Variants in GAREM2 observed in about 807,000 individuals in gnomAD.
GAREM2 encodes the protein GRB2 associated regulator of MAPK1 subtype 2.
GAREM2 carries 30 observed loss-of-function variants against 55.6 expected under a neutral mutation model. The observed-to-expected ratio is 0.54, with a 90% CI of 0.40 to 0.73. The LOEUF is 0.73. Among genes scored for constraint, GAREM2 ranks in the 30% least tolerant of loss-of-function variants. The pLI is 0.00. For synonymous variants in GAREM2, 550 were observed against 569.1 expected (o/e 0.97, Z 0.48); for missense variants, 1,075 against 1,257.7 (o/e 0.85, Z 2.20).
At chr2:26,183,777 T>C (rs1669131568) in intron 3 of GAREM2, among the ~76,000 whole-genome samples, 1 of 152,202 alleles carries the variant, frequency 6.6e-6, no homozygotes, top group Non-Finnish European at 1.5e-5. Flanking sequence ...TATGTACAGA[T>C]AGTGCTGTTC....
At chr2:26,191,608 T>C, downstream of GAREM2, 1 of 1,614,060 alleles carries the variant, frequency 6.2e-7, no homozygotes, top group Non-Finnish European at 8.5e-7. Flanking sequence ...CAGGCGGAAC[T>C]GGATGTCTTC....
rs1331389432 is a variant in GAREM2 at position 26,185,058 on chromosome 2, G to A, written c.1210G>A (p.Glu404Lys). The A allele has an allele frequency of 4.8e-6, 6 of 1,243,474 alleles. No homozygotes were observed. The highest frequency in any genetic ancestry group is 6.0e-6 in the Non-Finnish European group (6 of 994,040). The allele number at this position is 1,243,474 out of a possible 1,614,324, so 77.0% of individuals were successfully genotyped here. A position where few individuals can be genotyped will look rare whatever the true frequency, so the allele number is the denominator to read the frequency against. ...CCCGCTAGCGCCGGCTCCCGCCGGC[G>A]AGGGCGACCAGGAGTACGTGAGCCC... ...PGPLAPAPAGEGDQEYVSPDW... is the reference protein window; with the variant it reads ...PGPLAPAPAGKGDQEYVSPDW... Residue 404 changes from glutamate to lysine, a missense_variant, in exon 4 of 6, where the codon GAG (glutamate) becomes AAG (lysine). Transcript: ENST00000401533.
rs1234722551 is a variant in GAREM2, at chr2:26,185,051, C to G, written c.1203C>G (p.Pro401=). The G allele has an allele frequency of 8.2e-7, 1 of 1,226,898 alleles. No individual in the cohort carries two copies. Among genetic ancestry groups the G allele is most frequent in the Non-Finnish European group, 1.0e-6 (1 of 984,098 alleles). The allele number at this position is 1,226,898 out of a possible 1,614,324, so 76.0% of individuals were successfully genotyped here. A position where few individuals can be genotyped will look rare whatever the true frequency, so the allele number is the denominator to read the frequency against. ...CCCCCGGCCCGCTAGCGCCGGCTCC[C>G]GCCGGCGAGGGCGACCAGGAGTACG... ...ARAPGPLAPA[P]AGEGDQEYVS... The change falls in exon 4 of 6, where the codon CCC becomes CCG. Residue 401 remains proline, a synonymous_variant. Transcript: ENST00000401533.
At chr2:26,174,488 C>T (rs987138799) in intron 1 of GAREM2, among the ~76,000 whole-genome samples, 1 of 152,240 alleles carries the variant, frequency 6.6e-6, no homozygotes, top group African/African-American at 2.4e-5. Flanking sequence ...TTGGGCTCCC[C>T]GGCCACCTCA....
chr2:26,185,386 G>A, intron 4 of GAREM2, 110 bp downstream of exon 4: 10 of 1,377,162 alleles, frequency 7.3e-6, no homozygotes, highest in Non-Finnish European at 9.4e-6. Context: ...TCCTCGGCGG[G>A]GTGGGGAAGG....
At chr2:26,185,424 G>C in intron 4 of GAREM2, 148 bp downstream of exon 4, 4 of 1,295,456 alleles carry the variant, frequency 3.1e-6, no homozygotes, top group Non-Finnish European at 4.0e-6. Flanking sequence ...AGGCATGCCA[G>C]GCAAAAGCAT....
chr2:26,182,504 T>G, intron 2 of GAREM2: 1 of 1,548,374 alleles, frequency 6.5e-7, no homozygotes, highest in Non-Finnish European at 8.7e-7. Context: ...GTAGGGCCCA[T>G]GATCATCTGT....
intron 3 of GAREM2, 121 bp from the exon 4 acceptor site, chr2:26,184,112 T>C (rs1669139999): frequency 7.0e-7 from 1 of 1,430,910 alleles, no homozygotes; most frequent in Admixed American, 2.2e-5. Flanking sequence ...GCCTACCATC[T>C]AGTCCGAGCC....
intron 1 of GAREM2, among the ~76,000 whole-genome samples, chr2:26,174,438 G>A (rs957105944): frequency 5.3e-5 from 8 of 152,210 alleles, no homozygotes; most frequent in Non-Finnish European, 1.0e-4. Flanking sequence ...CCCCTTTCTG[G>A]GCAGCTTTTC....
At chr2:26,176,612 C>G (rs11675057) in intron 2 of GAREM2, 128 bp downstream of exon 2, 470,458 of 811,916 alleles carry the variant, frequency 0.58, 144,255 homozygotes, top group Non-Finnish European at 0.62. Context: ...GAGTCAGAGC[C>G]CAGCAGTTTT....
At chr2:26,184,099 C>G in intron 3 of GAREM2, 134 bp from the exon 4 acceptor site, 1 of 1,357,214 alleles carries the variant, frequency 7.4e-7, no homozygotes, top group Non-Finnish European at 1.0e-6. Flanking sequence ...CGTGGATCTC[C>G]TGGCCTACCA....
At chr2:26,194,942 A>C in the GAREM2 span, 1 of 789,998 alleles carries the variant, frequency 1.3e-6, no homozygotes. Flanking sequence ...GGGACAGTCA[A>C]TACCACCGTC....
intron 1 of GAREM2, among the ~76,000 whole-genome samples, chr2:26,175,327 G>A (rs1483701870): frequency 2.6e-5 from 4 of 152,066 alleles, no homozygotes; most frequent in Admixed American, 6.5e-5. Flanking sequence ...TGGGGTTGGC[G>A]CCTCCAGGCC....
At chr2:26,195,003 C>T in the GAREM2 span, 2 of 1,118,234 alleles carry the variant, frequency 1.8e-6, no homozygotes, top group Non-Finnish European at 2.7e-6. Flanking sequence ...GGTCATTTGC[C>T]CCAGAATATT....
the GAREM2 span, among the ~76,000 whole-genome samples, chr2:26,196,111 A>G: frequency 2.0e-5 from 3 of 152,156 alleles, no homozygotes; most frequent in African/African-American, 7.2e-5. Context: ...CTTACATTTA[A>G]TCCATTACAA....
At chr2:26,184,210 T>A in intron 3 of GAREM2, 23 bp from the exon 4 acceptor site, 5 of 1,547,608 alleles carry the variant, frequency 3.2e-6, no homozygotes, top group Non-Finnish European at 4.4e-6. Context: ...GCTAAGGCCC[T>A]GCCCTGTCTC....
At chr2:26,173,681 T>C (rs1225233610) in intron 1 of GAREM2, among the ~76,000 whole-genome samples, 1 of 94,106 alleles carries the variant, frequency 1.1e-5, no homozygotes, top group African/African-American at 4.2e-5. Context: ...CCGCGCCCCC[T>C]TGGTCCCTTT....
downstream of GAREM2, chr2:26,189,782 T>C (rs1300108694): frequency 6.6e-6 from 1 of 152,250 alleles, no homozygotes; most frequent in Non-Finnish European, 1.5e-5. Flanking sequence ...GTGTGGCCAT[T>C]CCCATGTCTG....
At chr2:26,182,072 A>T in intron 2 of GAREM2, 1 of 1,049,254 alleles carries the variant, frequency 9.5e-7, no homozygotes, top group Non-Finnish European at 1.1e-6. Flanking sequence ...AAAGCTTGAG[A>T]AGAGGCCATC....
Sources: gnomAD v4.1 joint callset for allele counts (sites outside exome capture counted in the v4.1 genomes callset) on GRCh38, gnomAD v4.1.1 for gene constraint, MANE v1.5 for transcripts, NCBI Gene and HGNC (gene_info 2026-07-23, HGNC 2026-07-21) for gene names.